The following ABLIM2 variants were observed in gnomAD, a reference collection of about 807,000 sequenced individuals.
The protein encoded by ABLIM2 is actin binding LIM protein family member 2.
ABLIM2 carries 53 observed loss-of-function variants against 97.7 expected under a neutral mutation model. The ratio of observed to expected loss-of-function variants is 0.54; its 90% CI spans 0.44 to 0.68. The LOEUF is 0.68. Among genes scored for constraint, ABLIM2 ranks in the 30% least tolerant of loss-of-function variants. The probability of loss-of-function intolerance (pLI) is 0.00; values close to 1 mark genes in which losing one functional copy is unlikely to be tolerated. For synonymous variants in ABLIM2, 361 were observed against 345.8 expected (o/e 1.04, Z -0.49); for missense variants, 835 against 867.2 (o/e 0.96, Z 0.47).
At position 8,125,594 on chromosome 4, in the gene ABLIM2, G is replaced by A. The variant is rs751857580; in HGVS notation, c.11-18957C>T. Among the ~76,000 whole-genome samples, 3 of 152,130 alleles carry A rather than the reference G, an allele frequency of 2.0e-5. No individual in the cohort carries two copies. Among genetic ancestry groups the A allele is most frequent in the South Asian group, 4.1e-4 (2 of 4,828 alleles). On this transcript the variant is annotated intron_variant, in intron 1 of 20. Coordinates refer to ENST00000447017, the MANE Select transcript of ABLIM2 (RefSeq NM_001130083.2). The surrounding 1 kb of genome is among the most constrained non-coding windows in gnomAD (Gnocchi z 6.2). ...TGGCCACAGGTTTGCATGGGGCCTCGGTGCCGGGGCTGCTTCTGGGATGGT... is the reference window on the plus strand; with the variant it reads ...TGGCCACAGGTTTGCATGGGGCCTCAGTGCCGGGGCTGCTTCTGGGATGGT...
rs1483147092 is a variant in ABLIM2 at position 8,132,745 on chromosome 4, C to T, written c.10+25935G>A. The stretch of plus-strand genomic sequence containing the variant: ...CCAGAGCCCTGGGACCTGGGCCCAG[C>T]GACTGAACCTCTTAGAGCCTCAGTT... On this transcript the variant is annotated intron_variant, in intron 1 of 20. Coordinates refer to ENST00000447017, the MANE Select transcript of ABLIM2 (RefSeq NM_001130083.2). The surrounding 1 kb of genome is among the most constrained non-coding windows in gnomAD (Gnocchi z 8.0). 1.3e-5 allele frequency among the ~76,000 whole-genome samples: 2 copies of T among 152,214 alleles called. No individual in the cohort carries two copies. Among genetic ancestry groups the T allele is most frequent in the Admixed American group, 6.5e-5 (1 of 15,286 alleles).
rs530743470 is a variant in ABLIM2, at chr4:8,024,558, G to A, written c.1267+3201C>T. Among the ~76,000 whole-genome samples, 5 of 152,344 alleles carry A rather than the reference G, an allele frequency of 3.3e-5. No individual in the cohort carries two copies. The East Asian group carries it at 7.7e-4, about 24-fold the overall frequency. On this transcript the variant is annotated intron_variant, in intron 12 of 20. Transcript: ENST00000447017. ...CCCAGAGGGCAGGCGACGCTGCCTGGTGTCCAGCTGACCCCTGGGGGCTGC... is the reference window on the plus strand; with the variant it reads ...CCCAGAGGGCAGGCGACGCTGCCTGATGTCCAGCTGACCCCTGGGGGCTGC...
intron 6 of ABLIM2, among the ~76,000 whole-genome samples, chr4:8,073,872 G>C (rs969712433): frequency 1.3e-5 from 2 of 152,070 alleles, no homozygotes; most frequent in East Asian, 3.9e-4. Flanking sequence ...CAGATCACCT[G>C]AGGTCGGGAG....
chr4:7,972,850 C>G (rs1476865584), intron 20 of ABLIM2, among the ~76,000 whole-genome samples: 1 of 152,156 alleles, frequency 6.6e-6, no homozygotes, highest in African/African-American at 2.4e-5. Context: ...CTCCAAACCT[C>G]CTATTGTCAC....
chr4:8,013,287 A>G (rs1402744135), intron 14 of ABLIM2, among the ~76,000 whole-genome samples: 1 of 147,376 alleles, frequency 6.8e-6, no homozygotes, highest in African/African-American at 2.5e-5. Context: ...CAATGGCGCA[A>G]TCTCGGCTCA....
chr4:7,980,439 G>T (rs182886640), intron 20 of ABLIM2, among the ~76,000 whole-genome samples: 1 of 152,156 alleles, frequency 6.6e-6, no homozygotes, highest in African/African-American at 2.4e-5. Flanking sequence ...TGCAGGCCAG[G>T]CATAGTGGCT....
intron 1 of ABLIM2, among the ~76,000 whole-genome samples, chr4:8,152,201 C>G (rs1364058306): frequency 6.6e-6 from 1 of 152,220 alleles, no homozygotes; most frequent in African/African-American, 2.4e-5. Flanking sequence ...AGCAACCAAT[C>G]CCCCACAGCC....
chr4:7,985,604 G>C (rs766593987), intron 17 of ABLIM2, among the ~76,000 whole-genome samples: 2 of 152,170 alleles, frequency 1.3e-5, no homozygotes, highest in African/African-American at 4.8e-5. Flanking sequence ...GCAGCTCTGC[G>C]TGTGACTGTT....
intron 10 of ABLIM2, among the ~76,000 whole-genome samples, chr4:8,035,881 C>A (rs544621490): frequency 1.3e-5 from 2 of 152,356 alleles, no homozygotes; most frequent in African/African-American, 4.8e-5. Context: ...TACAAACCAG[C>A]ATGCTTCCTA....
chr4:8,006,148 C>T (rs187361435), intron 16 of ABLIM2, among the ~76,000 whole-genome samples: 121 of 152,360 alleles, frequency 7.9e-4, no homozygotes, highest in Middle Eastern at 3.4e-3. Flanking sequence ...AGGGCACCTA[C>T]ATTCTGGCAT....
Position 7,991,068 on chromosome 4 carries a change from A to G in ABLIM2, c.1680+1798T>C, listed in dbSNP as rs73214081. Among the ~76,000 whole-genome samples, 411 of 152,294 alleles carry G rather than the reference A, an allele frequency of 2.7e-3. 1 individual carries two copies. Among genetic ancestry groups the G allele is most frequent in the Middle Eastern group, 6.8e-3 (2 of 294 alleles). ...GTCTGCAGGAGAAACATATTCACAGAAAGTTTAGTTCTTAATTCTGTAAAG... is the reference window on the plus strand; with the variant it reads ...GTCTGCAGGAGAAACATATTCACAGGAAGTTTAGTTCTTAATTCTGTAAAG... On this transcript the variant is annotated intron_variant, in intron 17 of 20. Coordinates refer to ENST00000447017, the MANE Select transcript of ABLIM2 (RefSeq NM_001130083.2).
chr4:8,039,788 C>T (rs545238280), intron 9 of ABLIM2, among the ~76,000 whole-genome samples: 1 of 151,578 alleles, frequency 6.6e-6, no homozygotes, highest in South Asian at 2.1e-4. Flanking sequence ...AGAAGCGAGA[C>T]CTGAAGGGTA....
At chr4:8,114,066 T>C (rs1322672254) in intron 1 of ABLIM2, among the ~76,000 whole-genome samples, 1 of 152,200 alleles carries the variant, frequency 6.6e-6, no homozygotes, top group African/African-American at 2.4e-5. Context: ...TCACCTTCAT[T>C]GCGGCACAGC....
rs912822537 is a variant in ABLIM2, at chr4:8,124,668, T to A, written c.11-18031A>T. On this transcript the variant is annotated intron_variant, in intron 1 of 20. Transcript: ENST00000447017. This position sits in a 1 kb window ranked among gnomAD's most constrained non-coding sequence, Gnocchi z 6.1. The stretch of plus-strand genomic sequence containing the variant: ...TCATCCATTAGTCAGTGGATGAACT[T>A]TGGGGCTGTGTCTACTTTTTGGTGA... Among the ~76,000 whole-genome samples, 1 of 152,192 alleles carries A rather than the reference T, an allele frequency of 6.6e-6. No homozygotes were observed. The highest frequency in any genetic ancestry group is 1.5e-5 in the Non-Finnish European group (1 of 68,042).
Position 7,965,858 on chromosome 4 carries a change from C to T in ABLIM2, c.*1132G>A, listed in dbSNP as rs1318945950. The T allele has an allele frequency of 6.6e-6, 1 of 152,166 alleles. No homozygotes were observed. The highest frequency in any genetic ancestry group is 2.4e-5 in the African/African-American group (1 of 41,360). The allele number at this position is 152,166 out of a possible 1,614,324, so 9.4% of individuals were successfully genotyped here. A position where few individuals can be genotyped will look rare whatever the true frequency, so the allele number is the denominator to read the frequency against. On this transcript the variant is annotated 3_prime_UTR_variant, in exon 21 of 21. Coordinates refer to ENST00000447017, the MANE Select transcript of ABLIM2 (RefSeq NM_001130083.2). ...GTTGTCTGTTTCAGGGAGCACATCGCTCCTGGGGCATGTGGGGTTTATGTT... is the reference window on the plus strand; with the variant it reads ...GTTGTCTGTTTCAGGGAGCACATCGTTCCTGGGGCATGTGGGGTTTATGTT...
At chr4:8,090,729 G>A (rs1343058288) in intron 3 of ABLIM2, among the ~76,000 whole-genome samples, 1 of 146,822 alleles carries the variant, frequency 6.8e-6, no homozygotes, top group East Asian at 2.0e-4. Context: ...TTATTTTTTT[G>A]CGGGATCACA....
At chr4:8,036,694 G>T (rs1229643167) in intron 9 of ABLIM2, among the ~76,000 whole-genome samples, 1 of 152,228 alleles carries the variant, frequency 6.6e-6, no homozygotes, top group Non-Finnish European at 1.5e-5. Flanking sequence ...TGTACAAAAT[G>T]AGGGAAATGA....
At position 8,085,442 on chromosome 4, in the gene ABLIM2, C is replaced by A. The variant is rs1376306960; in HGVS notation, c.454+2727G>T. 6.6e-6 allele frequency among the ~76,000 whole-genome samples: 1 copy of A among 152,176 alleles called. No individual in the cohort carries two copies. The highest frequency in any genetic ancestry group is 2.4e-5 in the African/African-American group (1 of 41,444). ...GGTGTCTCAGTGCCATTCCCATTCC[C>A]CGCCCCCACGCTGCAGCCCCGTCCA... On this transcript the variant is annotated intron_variant, in intron 4 of 20. Coordinates refer to ENST00000447017, the MANE Select transcript of ABLIM2 (RefSeq NM_001130083.2). The surrounding 1 kb of genome is among the most constrained non-coding windows in gnomAD (Gnocchi z 6.1).
At chr4:8,100,063 TA>T (rs1833740517) in intron 2 of ABLIM2, among the ~76,000 whole-genome samples, 1 of 152,178 alleles carries the variant, frequency 6.6e-6, no homozygotes, top group African/African-American at 2.4e-5. Flanking sequence ...TGTGTTCATT[TA>T]CGAGAAACAG....
Sources: allele counts gnomAD v4.1 joint callset (sites outside exome capture counted in the v4.1 genomes callset), GRCh38; gene constraint gnomAD v4.1.1; non-coding constraint Gnocchi (gnomAD v3.1); transcripts MANE v1.5; gene names NCBI Gene and HGNC (gene_info 2026-07-23, HGNC 2026-07-21).